Variants in SGCD observed in about 807,000 individuals in gnomAD.
The protein encoded by SGCD is sarcoglycan delta.
SGCD carries 18 observed loss-of-function variants against 36.6 expected under a neutral mutation model. The observed-to-expected ratio is 0.49, with a 90% CI of 0.34 to 0.73. SGCD has a LOEUF of 0.73. SGCD is among the 30% of genes least tolerant of loss of function. The pLI, the probability that SGCD is intolerant of heterozygous loss-of-function variation, is 0.01. For missense variants in SGCD, 387 were observed against 346.7 expected (o/e 1.12, Z -0.92); for synonymous variants, 133 against 130.6 (o/e 1.02, Z -0.12).
At chr5:156,499,809 GTT>G (rs1224405787) in intron 3 of SGCD, among the ~76,000 whole-genome samples, 1 of 152,150 alleles carries the variant, frequency 6.6e-6, no homozygotes. Context: ...TCTGTTAAGT[GTT>G]AATGTCTGAG....
intron 4 of SGCD, among the ~76,000 whole-genome samples, chr5:156,569,471 A>G (rs1413735615): frequency 6.6e-6 from 1 of 152,110 alleles, no homozygotes; most frequent in Non-Finnish European, 1.5e-5. Context: ...ATGCACCTGT[A>G]TTCCCAACTA....
intron 1 of SGCD, among the ~76,000 whole-genome samples, chr5:156,010,850 C>G (rs528532590): frequency 2.0e-5 from 3 of 152,152 alleles, no homozygotes; most frequent in Non-Finnish European, 4.4e-5. Flanking sequence ...TACCAAAGCT[C>G]ACACTTTTAC....
At chr5:155,867,427 G>T (rs1191985932), upstream of SGCD, among the ~76,000 whole-genome samples, 1 of 152,216 alleles carries the variant, frequency 6.6e-6, no homozygotes, top group Non-Finnish European at 1.5e-5. Flanking sequence ...GATGATATCT[G>T]GAGGAGACTA....
the SGCD span, among the ~76,000 whole-genome samples, chr5:155,855,094 T>G: frequency 1.3e-5 from 2 of 152,270 alleles, no homozygotes; most frequent in South Asian, 4.1e-4. Context: ...ACCTCTGTAG[T>G]GCACTCTGGA....
At chr5:156,102,442 A>G (rs1220660103) in intron 1 of SGCD, among the ~76,000 whole-genome samples, 3 of 152,110 alleles carry the variant, frequency 2.0e-5, no homozygotes, top group Non-Finnish European at 4.4e-5. Flanking sequence ...GAATTTTTCA[A>G]TATTTCTGAA....
the SGCD span, among the ~76,000 whole-genome samples, chr5:155,796,310 C>A: frequency 0.014 from 2,199 of 152,002 alleles, 29 homozygotes; most frequent in Admixed American, 0.021. Context: ...GTAGAAAAAA[C>A]CACAAATTGC....
chr5:156,585,575 G>T (rs1760458391), intron 4 of SGCD, among the ~76,000 whole-genome samples: 1 of 152,218 alleles, frequency 6.6e-6, no homozygotes, highest in Non-Finnish European at 1.5e-5. Context: ...TGACTACCCA[G>T]TGTTGAGAGC....
At chr5:155,887,185 A>C (rs1267880178) in intron 1 of SGCD, among the ~76,000 whole-genome samples, 1 of 152,210 alleles carries the variant, frequency 6.6e-6, no homozygotes, top group South Asian at 2.1e-4. Context: ...AAGAAGTTGC[A>C]TGGAAATCAA....
chr5:155,906,217 T>C (rs1263661170), intron 1 of SGCD, among the ~76,000 whole-genome samples: 1 of 152,124 alleles, frequency 6.6e-6, no homozygotes, highest in East Asian at 1.9e-4. Flanking sequence ...GAATGTTGTA[T>C]GTGTTCTGAC....
chr5:156,548,615 C>T (rs986488606), intron 4 of SGCD, among the ~76,000 whole-genome samples: 6 of 151,456 alleles, frequency 4.0e-5, no homozygotes, highest in African/African-American at 9.7e-5. Context: ...TTTTCCTTTC[C>T]GTGTATTTTT....
chr5:156,490,250 A>G (rs891226261), intron 3 of SGCD, among the ~76,000 whole-genome samples: 5 of 152,064 alleles, frequency 3.3e-5, no homozygotes, highest in African/African-American at 1.2e-4. Context: ...CCAGGACGAG[A>G]TGCCTTTACT....
the SGCD span, among the ~76,000 whole-genome samples, chr5:155,754,912 A>G: frequency 2.0e-5 from 3 of 152,128 alleles, no homozygotes; most frequent in African/African-American, 4.8e-5. Context: ...GACTTTCCAG[A>G]TACAAATGCT....
chr5:156,737,469 T>G (rs1297127606), intron 7 of SGCD, among the ~76,000 whole-genome samples: 3 of 152,208 alleles, frequency 2.0e-5, no homozygotes, highest in Non-Finnish European at 4.4e-5. Context: ...AGGTATAAAT[T>G]TTAGTAAGTG....
At chr5:155,880,854 G>A (rs1025506277) in intron 1 of SGCD, among the ~76,000 whole-genome samples, 1 of 152,040 alleles carries the variant, frequency 6.6e-6, no homozygotes, top group East Asian at 1.9e-4. Context: ...GGTTAATATC[G>A]TCTGAACCAG....
intron 3 of SGCD, among the ~76,000 whole-genome samples, chr5:156,430,563 T>C (rs1021298373): frequency 2.6e-5 from 4 of 152,144 alleles, no homozygotes; most frequent in African/African-American, 9.7e-5. Context: ...TAGATCCCTG[T>C]TTTGTCATAT....
At chr5:155,905,687 G>C (rs983980615) in intron 1 of SGCD, among the ~76,000 whole-genome samples, 1 of 152,096 alleles carries the variant, frequency 6.6e-6, no homozygotes, top group South Asian at 2.1e-4. Flanking sequence ...CCCAGGGAGA[G>C]GTAACTGAAT....
At chr5:156,424,855 C>G (rs1283022812) in intron 3 of SGCD, among the ~76,000 whole-genome samples, 3 of 152,040 alleles carry the variant, frequency 2.0e-5, no homozygotes, top group Non-Finnish European at 4.4e-5. Flanking sequence ...ACACTGAATG[C>G]ACTTAATTCC....
intron 5 of SGCD, 57 bp from the exon 6 acceptor site, chr5:156,594,875 T>TTCTCTC (rs138491950): frequency 8.7e-7 from 1 of 1,155,538 alleles, no homozygotes; most frequent in Non-Finnish European, 1.3e-6. Flanking sequence ...TAATGGTGTT[T>TTCTCTC]TCTCTCTCTC....
chr5:156,245,392 C>T (rs2127658174), intron 3 of SGCD, among the ~76,000 whole-genome samples: 1 of 152,190 alleles, frequency 6.6e-6, no homozygotes, highest in African/African-American at 2.4e-5. Flanking sequence ...AATTTGAATA[C>T]CACCATTTTA....
Sources: allele counts gnomAD v4.1 joint callset (sites outside exome capture counted in the v4.1 genomes callset), GRCh38; gene constraint gnomAD v4.1.1; transcripts MANE v1.5; gene names NCBI Gene and HGNC (gene_info 2026-07-23, HGNC 2026-07-21).